Variants in FAT3 observed in about 807,000 individuals in gnomAD.
The protein encoded by FAT3 is protocadherin Fat 3.
In FAT3, 95 loss-of-function variants were observed where a neutral mutation model predicts 310.2. The observed-to-expected ratio is 0.31, with a 90% CI of 0.26 to 0.36. The LOEUF (loss-of-function observed/expected upper bound fraction) is 0.36, where lower values mean the gene tolerates loss of function less well. Among genes scored for constraint, FAT3 ranks in the 10% least tolerant of loss-of-function variants. FAT3 has a pLI of 1.00. For synonymous variants in FAT3, 2,314 were observed against 2,192.9 expected (o/e 1.06, Z -1.54); for missense variants, 5,408 against 5,715.6 (o/e 0.95, Z 1.74).
Position 92,891,211 on chromosome 11 carries a change from A to AG in FAT3, c.*101dup, listed in dbSNP as rs1949912384. 6.9e-7 allele frequency: 1 copy of AG among 1,446,328 alleles called. No homozygotes were observed. Among genetic ancestry groups the AG allele is most frequent in the Admixed American group, 2.0e-5 (1 of 49,564 alleles). The allele number at this position is 1,446,328 out of a possible 1,614,324, so 89.6% of individuals were successfully genotyped here. A position where few individuals can be genotyped will look rare whatever the true frequency, so the allele number is the denominator to read the frequency against. On this transcript the variant is annotated 3_prime_UTR_variant, in exon 28 of 28. Coordinates refer to ENST00000525166, the MANE Select transcript of FAT3 (RefSeq NM_001367949.2). ...GTGGAGCATTGTCTGTGGAATGAGA[A>AG]GGGAATACTGTATTTTTCCACTAGA...
chr11:92,680,520 A>T (rs1459298030), intron 3 of FAT3, among the ~76,000 whole-genome samples: 2 of 152,200 alleles, frequency 1.3e-5, no homozygotes, highest in Non-Finnish European at 2.9e-5. Flanking sequence ...ACCTTGTAAT[A>T]TAATTTGAAG....
chr11:92,873,824 G>A (rs1438923866), intron 22 of FAT3, among the ~76,000 whole-genome samples: 2 of 152,182 alleles, frequency 1.3e-5, no homozygotes, highest in Non-Finnish European at 2.9e-5. Context: ...GATTTGAGGG[G>A]AAAGAAGCTA....
At chr11:92,717,323 G>C (rs1944720718) in intron 4 of FAT3, among the ~76,000 whole-genome samples, 1 of 152,182 alleles carries the variant, frequency 6.6e-6, no homozygotes, top group Middle Eastern at 3.2e-3. Context: ...AGACATGTTT[G>C]CTTTCCAATG....
At chr11:92,713,773 G>T (rs1944595629) in intron 4 of FAT3, among the ~76,000 whole-genome samples, 1 of 152,108 alleles carries the variant, frequency 6.6e-6, no homozygotes. Flanking sequence ...TTTCCCAGTT[G>T]AATCAAAAAC....
intron 2 of FAT3, among the ~76,000 whole-genome samples, chr11:92,357,135 G>A (rs1948754539): frequency 6.6e-6 from 1 of 152,134 alleles, no homozygotes; most frequent in Non-Finnish European, 1.5e-5. Flanking sequence ...TTTACTGAGT[G>A]CCTACTCTGT....
At position 92,831,962 on chromosome 11, in the gene FAT3, C is replaced by A; in HGVS notation, c.9822C>A (p.Leu3274=). The change falls in exon 14 of 28, where the codon CTC becomes CTA. Residue 3274 remains leucine, a synonymous_variant. Coordinates refer to ENST00000525166, the MANE Select transcript of FAT3 (RefSeq NM_001367949.2). ...GCACAAATGCTGAGATCACTTATCT[C>A]ATCCGGTCTGGGAACGAACAAGGGA... ...DIGTNAEITY[L]IRSGNEQGKF... 5 of 1,576,298 alleles carry A rather than the reference C, an allele frequency of 3.2e-6. No individual in the cohort carries two copies. Among genetic ancestry groups the A allele is most frequent in the Non-Finnish European group, 4.3e-6 (5 of 1,160,328 alleles).
At chr11:92,815,445 C>T (rs1465082398) in intron 13 of FAT3, among the ~76,000 whole-genome samples, 1 of 151,988 alleles carries the variant, frequency 6.6e-6, no homozygotes, top group East Asian at 1.9e-4. Flanking sequence ...TGGCAGTGGG[C>T]ACCTGTAGTC....
Position 92,809,872 on chromosome 11 carries a change from C to G in FAT3, c.9277C>G (p.Arg3093Gly). 1 of 1,613,816 alleles carries G rather than the reference C, an allele frequency of 6.2e-7. No homozygotes were observed. The highest frequency in any genetic ancestry group is 8.5e-7 in the Non-Finnish European group (1 of 1,179,796). ...GELKTLALLD[R>G]ERIPVYSLMA... is the part of the protein sequence containing the mutation. ...GTTAAAAACCTTGGCTCTGTTGGACCGGGAGAGGATCCCCGTGTACAGCCT... is the reference window on the plus strand; with the variant it reads ...GTTAAAAACCTTGGCTCTGTTGGACGGGGAGAGGATCCCCGTGTACAGCCT... The change falls in exon 13 of 28, where the codon CGG (arginine) becomes GGG (glycine). Residue 3093 changes from arginine to glycine, a missense_variant. Arg to Gly is a moderately radical substitution (Grantham distance 125). Around this residue, in one of 5 missense-constraint regions of FAT3, gnomAD observed 4,588 missense variants for 4,809.8 expected, o/e 0.95. Coordinates refer to ENST00000525166, the MANE Select transcript of FAT3 (RefSeq NM_001367949.2).
At chr11:92,797,783 A>T in intron 9 of FAT3, 53 bp from the exon 10 acceptor site, 1 of 1,505,282 alleles carries the variant, frequency 6.6e-7, no homozygotes, top group East Asian at 2.3e-5. Flanking sequence ...TTAATCAAAA[A>T]GATTTCAGTG....
At chr11:92,814,136 A>C (rs1487412660) in intron 13 of FAT3, among the ~76,000 whole-genome samples, 1 of 152,188 alleles carries the variant, frequency 6.6e-6, no homozygotes, top group Non-Finnish European at 1.5e-5. Flanking sequence ...CTCCAGAACT[A>C]TGAGCAATAA....
chr11:92,359,567 G>A (rs1451404697), intron 2 of FAT3, among the ~76,000 whole-genome samples: 5 of 149,936 alleles, frequency 3.3e-5, no homozygotes, highest in East Asian at 3.9e-4. Context: ...CCATGCTGGT[G>A]CGCTGCACCC....
chr11:92,634,189 G>A (rs1488544160), intron 3 of FAT3, among the ~76,000 whole-genome samples: 2 of 152,172 alleles, frequency 1.3e-5, no homozygotes, highest in African/African-American at 2.4e-5. Context: ...CAACAGACAG[G>A]AACTAACATG....
Position 92,352,884 on chromosome 11 carries a change from C to T in FAT3, c.772C>T (p.Arg258Cys), listed in dbSNP as rs538781318. The T allele has an allele frequency of 2.0e-5, 32 of 1,613,740 alleles. No homozygotes were observed. The African/African-American group carries it at 2.5e-4, about 13-fold the overall frequency. ...TGCAAAGCTTTATGTTCACATTGAG[C>T]GCATAAATGAACATGCCCCAACAAT... The part of the protein sequence containing the change: ...STAKLYVHIE[R>C]INEHAPTIHV... Residue 258 changes from arginine to cysteine, a missense_variant, in exon 2 of 28, where the codon CGC becomes TGC. Physicochemically the swap from Arg to Cys is radical, Grantham distance 180 (BLOSUM62 -3). Transcript: ENST00000525166.
chr11:92,658,512 A>G (rs935027699), intron 3 of FAT3, among the ~76,000 whole-genome samples: 3 of 152,246 alleles, frequency 2.0e-5, no homozygotes, highest in African/African-American at 7.2e-5. Context: ...CTTGGTATCT[A>G]TCAGAGACAC....
At chr11:92,672,564 A>G (rs965415502) in intron 3 of FAT3, among the ~76,000 whole-genome samples, 1 of 152,218 alleles carries the variant, frequency 6.6e-6, no homozygotes, top group African/African-American at 2.4e-5. Context: ...TGTGCCAATT[A>G]GAATTGCCAA....
intron 2 of FAT3, among the ~76,000 whole-genome samples, chr11:92,481,591 C>T (rs948937782): frequency 1.3e-5 from 2 of 152,122 alleles, no homozygotes; most frequent in Non-Finnish European, 2.9e-5. Context: ...GATAATTTCT[C>T]AGGATATTAA....
chr11:92,888,062 G>C (rs1308242502), intron 25 of FAT3, among the ~76,000 whole-genome samples: 1 of 152,158 alleles, frequency 6.6e-6, no homozygotes, highest in Non-Finnish European at 1.5e-5. Context: ...GAAAGGCATA[G>C]CCCTTGTCTT....
chr11:92,468,212 A>T (rs1591329623), intron 2 of FAT3, among the ~76,000 whole-genome samples: 1 of 152,210 alleles, frequency 6.6e-6, no homozygotes, highest in African/African-American at 2.4e-5. Flanking sequence ...TGGATAGAGC[A>T]TGGATTGTAG....
rs1949264151 is a variant in FAT3, at chr11:92,866,973, C to T, written c.11891C>T (p.Ala3964Val). ...ATCTACTTCGGCGCCCTGGTGCAAG[C>T]GGATAACATCCGCAGCCTGACTGAC... ...SSIYFGALVQ[A>V]DNIRSLTDTR... Residue 3964 changes from alanine to valine, a missense_variant, in exon 22 of 28, where the codon GCG becomes GTG. Transcript: ENST00000525166. 3 of 1,612,470 alleles carry T rather than the reference C, an allele frequency of 1.9e-6. No homozygotes were observed. Among genetic ancestry groups the T allele is most frequent in the East Asian group, 2.2e-5 (1 of 44,842 alleles).
Sources: gnomAD v4.1 joint callset for allele counts (sites outside exome capture counted in the v4.1 genomes callset) on GRCh38, gnomAD v4.1.1 for gene constraint, gnomAD v4.1.1 regional missense constraint, MANE v1.5 for transcripts, NCBI Gene and HGNC (gene_info 2026-07-23, HGNC 2026-07-21) for gene names.